Variants in EVC2 observed in about 807,000 individuals in gnomAD.
The protein encoded by EVC2 is EvC ciliary complex subunit 2.
EVC2 carries 148 observed loss-of-function variants against 149.3 expected under a neutral mutation model. The ratio of observed to expected loss-of-function variants is 0.99; its 90% CI spans 0.87 to 1.14. EVC2 has a LOEUF of 1.14. EVC2 is among the 50% of genes most tolerant of loss of function. EVC2 has a pLI of 0.00. For synonymous variants in EVC2, 776 were observed against 649.9 expected, an observed-to-expected ratio of 1.19 and a Z score of -2.95; for missense variants, 1,854 against 1,627.3, an observed-to-expected ratio of 1.14 and a Z score of -2.40.
chr4:5,631,103 T>C (rs1716498003), intron 11 of EVC2, among the ~76,000 whole-genome samples: 1 of 152,194 alleles, frequency 6.6e-6, no homozygotes, highest in African/African-American at 2.4e-5. Flanking sequence ...CCTAAGAAAT[T>C]ATTTTGTTGG....
intron 10 of EVC2, among the ~76,000 whole-genome samples, chr4:5,635,081 G>T (rs1716806929): frequency 8.2e-6 from 1 of 121,364 alleles, no homozygotes; most frequent in African/African-American, 3.2e-5. Flanking sequence ...CTTTCGCCCA[G>T]GCTGGAGTGA....
intron 7 of EVC2, among the ~76,000 whole-genome samples, chr4:5,669,964 C>A (rs966057290): frequency 6.6e-6 from 1 of 152,186 alleles, no homozygotes; most frequent in Non-Finnish European, 1.5e-5. Flanking sequence ...AAGTAACAAG[C>A]AAACCTAGGT....
chr4:5,572,824 T>G lies in EVC2; in HGVS notation c.3360+1861A>C, dbSNP rs73074127. 7.0e-3 allele frequency among the ~76,000 whole-genome samples: 1,068 copies of G among 151,952 alleles called. 8 individuals carry two copies. The highest frequency in any genetic ancestry group is 0.031 in the Middle Eastern group (9 of 294). Reference sequence around the variant, plus strand: ...AAGGTGGGGGAATCAAAGTTGAGAGTGGGAGATGGCTCAGTTACGCAGAGA... The same window carrying G: ...AAGGTGGGGGAATCAAAGTTGAGAGGGGGAGATGGCTCAGTTACGCAGAGA... On this transcript the variant is annotated intron_variant, in intron 19 of 21. Transcript: ENST00000344408.
At chr4:5,561,783 GGTACTA>G (rs1721970084), downstream of EVC2, among the ~76,000 whole-genome samples, 1 of 152,116 alleles carries the variant, frequency 6.6e-6, no homozygotes, top group African/African-American at 2.4e-5. Flanking sequence ...ACCTTGCTGG[GGTACTA>G]GTGATCATTA....
At chr4:5,531,008 G>A in the EVC2 span, among the ~76,000 whole-genome samples, 3 of 152,132 alleles carry the variant, frequency 2.0e-5, no homozygotes, top group Admixed American at 2.0e-4. Flanking sequence ...CAGCACTCAT[G>A]GGCACAAATG....
chr4:5,689,522 T>C (rs1262940387), intron 4 of EVC2, among the ~76,000 whole-genome samples, 179 bp from the exon 5 acceptor site: 3 of 152,140 alleles, frequency 2.0e-5, no homozygotes, highest in South Asian at 2.1e-4. Context: ...CAAGAGGTTT[T>C]GACCCACACT....
intron 10 of EVC2, among the ~76,000 whole-genome samples, chr4:5,634,074 C>G (rs888052494): frequency 3.9e-5 from 6 of 152,350 alleles, no homozygotes; most frequent in Admixed American, 3.3e-4. Context: ...TGGATGACAG[C>G]AGGGGCCATG....
Position 5,618,379 on chromosome 4 carries a change from T to G in EVC2, c.2706+99A>C. On this transcript the variant is annotated intron_variant, in intron 15 of 21. Coordinates refer to ENST00000344408, the MANE Select transcript of EVC2 (RefSeq NM_147127.5). The surrounding 1 kb of genome is among the most constrained non-coding windows in gnomAD (Gnocchi z 4.4). ...GAGGAGAGGATAGGGGAGCATGAGG[T>G]GAGATGGGCTCAGGCTGGGGAAGAG... 1.3e-5 allele frequency: 17 copies of G among 1,335,418 alleles called. No individual in the cohort carries two copies. The highest frequency in any genetic ancestry group is 1.6e-5 in the Non-Finnish European group (15 of 938,054). 82.7% of individuals were successfully genotyped at this position (1,335,418 alleles called of 1,614,324 possible).
intron 16 of EVC2, among the ~76,000 whole-genome samples, chr4:5,594,125 C>T (rs1338943882): frequency 6.6e-6 from 1 of 152,202 alleles, no homozygotes; most frequent in Non-Finnish European, 1.5e-5. Flanking sequence ...CCTCTGTAGG[C>T]TCCACCTCTG....
intron 16 of EVC2, among the ~76,000 whole-genome samples, chr4:5,615,185 C>T (rs139516499): frequency 6.5e-4 from 99 of 152,168 alleles, no homozygotes; most frequent in African/African-American, 2.3e-3. Context: ...CTGAAGGATC[C>T]GGTGAGATCC....
Position 5,597,433 on chromosome 4 carries a change from A to G in EVC2, c.2830-12583T>C, listed in dbSNP as rs576097866. ...TCAATATATGCAAATCAATAAATGT[A>G]ATCCAGCATATAAACAGAACCAAAG... On this transcript the variant is annotated intron_variant, in intron 16 of 21. Coordinates refer to ENST00000344408, the MANE Select transcript of EVC2 (RefSeq NM_147127.5). Among the ~76,000 whole-genome samples, 961 of 152,208 alleles carry G rather than the reference A, an allele frequency of 6.3e-3. 6 individuals carry two copies. The highest frequency in any genetic ancestry group is 0.022 in the African/African-American group (916 of 41,540).
In EVC2 at chr4:5,622,558, C is replaced by T. The variant is rs776852815; in HGVS notation, c.2480G>A (p.Arg827His). ...AVTEEQAELRRWEHLIFMKLC... is the reference protein window; with the variant it reads ...AVTEEQAELRHWEHLIFMKLC... The stretch of plus-strand genomic sequence containing the variant: ...TCACATGAAGATCAGGTGCTCCCAG[C>T]GTCGCAGCTCTGCCTGCTCCTCTGT... The change falls in exon 14 of 22, where the codon CGC becomes CAC. Residue 827 changes from arginine (R) to histidine (H), a missense_variant. Physicochemically the swap from Arg to His is conservative, Grantham distance 29 (BLOSUM62 0). Transcript: ENST00000344408. This position sits in a 1 kb window ranked among gnomAD's most constrained non-coding sequence, Gnocchi z 5.8. 11 of 1,613,898 alleles carry T rather than the reference C, an allele frequency of 6.8e-6. No individual in the cohort carries two copies. The highest frequency in any genetic ancestry group is 5.5e-5 in the South Asian group (5 of 90,992).
At chr4:5,700,980 TAGAAGTC>T (rs1721789221) in intron 1 of EVC2, among the ~76,000 whole-genome samples, 3 of 152,258 alleles carry the variant, frequency 2.0e-5, no homozygotes, top group Admixed American at 2.0e-4. Flanking sequence ...CTGATAGTTC[TAGAAGTC>T]AGAAGTCTGA....
chr4:5,674,097 G>A (rs1476428366), intron 7 of EVC2, among the ~76,000 whole-genome samples: 1 of 150,106 alleles, frequency 6.7e-6, no homozygotes, highest in African/African-American at 2.5e-5. Flanking sequence ...CTTTGAGCTT[G>A]AGACCCAAGA....
chr4:5,671,934 T>C (rs989680440), intron 7 of EVC2, among the ~76,000 whole-genome samples: 1 of 152,252 alleles, frequency 6.6e-6, no homozygotes, highest in Non-Finnish European at 1.5e-5. Flanking sequence ...CTGCCAGGTT[T>C]GACCCCGTGT....
At chr4:5,674,766 C>G (rs932325679) in intron 7 of EVC2, among the ~76,000 whole-genome samples, 6 of 152,020 alleles carry the variant, frequency 3.9e-5, no homozygotes, top group Non-Finnish European at 8.8e-5. Flanking sequence ...GAATGGAGGC[C>G]CCTCAAGAAT....
chr4:5,707,080 C>A (rs996628356), intron 1 of EVC2, among the ~76,000 whole-genome samples: 1 of 152,142 alleles, frequency 6.6e-6, no homozygotes, highest in Non-Finnish European at 1.5e-5. Flanking sequence ...CACGCAGGCT[C>A]TGAACTCGGG....
At chr4:5,698,867 C>T (rs915502548) in intron 1 of EVC2, among the ~76,000 whole-genome samples, 1 of 152,202 alleles carries the variant, frequency 6.6e-6, no homozygotes, top group Non-Finnish European at 1.5e-5. Context: ...GATGCTCAGG[C>T]CTGGCTTTGG....
rs552260245 is a variant in EVC2, at chr4:5,703,054, ACAT to A, written c.228+5229_228+5231del. Among the ~76,000 whole-genome samples, 18 of 152,360 alleles carry A rather than the reference ACAT, an allele frequency of 1.2e-4. No homozygotes were observed. The East Asian group carries it at 1.5e-3, about 13-fold the overall frequency. On this transcript the variant is annotated intron_variant, in intron 1 of 21. Transcript: ENST00000344408. ...TTGCCATTCAGTAAGTCCTTACTTA[ACAT>A]CATCAATAGGTTCATGGCAACTGTG...
Sources: gnomAD v4.1 joint callset for allele counts (sites outside exome capture counted in the v4.1 genomes callset) on GRCh38, gnomAD v4.1.1 for gene constraint, Gnocchi (gnomAD v3.1) non-coding constraint, MANE v1.5 for transcripts, NCBI Gene and HGNC (gene_info 2026-07-23, HGNC 2026-07-21) for gene names.